Variants in CIMAP3 observed in about 807,000 individuals in gnomAD.
The protein encoded by CIMAP3 is ciliary microtubule associated protein 3, also known as ciliary microtubule-associated protein 3.
the CIMAP3 span, among the ~76,000 whole-genome samples, chr1:111,337,054 C>A: frequency 1.4e-4 from 21 of 152,240 alleles, no homozygotes; most frequent in South Asian, 2.9e-3. Flanking sequence ...AACATTCTTA[C>A]AGAAAAGAAT....
chr1:111,336,302 C>T, the CIMAP3 span, among the ~76,000 whole-genome samples: 1 of 152,200 alleles, frequency 6.6e-6, no homozygotes, highest in Admixed American at 6.5e-5. Context: ...ACCTCTCCTC[C>T]TCCAAAGGAA....
the CIMAP3 span, chr1:111,324,738 C>A: frequency 1.0e-6 from 1 of 985,380 alleles, no homozygotes; most frequent in Non-Finnish European, 1.2e-6. Flanking sequence ...ATGAGAGATC[C>A]AGGCTTACTG....
the CIMAP3 span, among the ~76,000 whole-genome samples, chr1:111,341,895 GA>G: frequency 2.1e-4 from 32 of 150,628 alleles, no homozygotes; most frequent in Non-Finnish European, 4.0e-4. Flanking sequence ...ATGTTTTAAT[GA>G]AAAAAAAAGA....
At chr1:111,346,594 G>A in the CIMAP3 span, 27 of 1,611,584 alleles carry the variant, frequency 1.7e-5, no homozygotes, top group South Asian at 4.4e-5. Flanking sequence ...GGGAATCACG[G>A]GACTAGCCTT....
chr1:111,351,143 G>C, the CIMAP3 span: 1 of 877,060 alleles, frequency 1.1e-6, no homozygotes, highest in South Asian at 1.6e-5. Flanking sequence ...CTATGGAGTT[G>C]GGATTCACCT....
chr1:111,347,651 GT>G, the CIMAP3 span: 2 of 803,014 alleles, frequency 2.5e-6, no homozygotes, highest in Non-Finnish European at 3.5e-6. Context: ...GTTTTTGTTT[GT>G]TTTTTAATAT....
chr1:111,327,828 T>A, the CIMAP3 span, among the ~76,000 whole-genome samples: 1 of 77,124 alleles, frequency 1.3e-5, no homozygotes. Flanking sequence ...ATTTTTTGAA[T>A]TTTTTTTTGT....
the CIMAP3 span, among the ~76,000 whole-genome samples, chr1:111,344,271 G>A: frequency 2.6e-5 from 4 of 152,264 alleles, no homozygotes; most frequent in African/African-American, 9.6e-5. Flanking sequence ...TTGACAGCTG[G>A]TCTATTTCTT....
chr1:111,327,892 C>T, the CIMAP3 span, among the ~76,000 whole-genome samples: 2 of 152,024 alleles, frequency 1.3e-5, no homozygotes, highest in East Asian at 1.9e-4. Context: ...CTTCTGCAAG[C>T]TTTGGGGTTG....
At chr1:111,333,591 C>T in the CIMAP3 span, among the ~76,000 whole-genome samples, 21,023 of 152,000 alleles carry the variant, frequency 0.14, 1,538 homozygotes, top group African/African-American at 0.16. Context: ...TGGTGGGAAT[C>T]TTCTGCTTAC....
chr1:111,329,516 C>CATATATATATATATATATAT, the CIMAP3 span, among the ~76,000 whole-genome samples: 2 of 106,280 alleles, frequency 1.9e-5, no homozygotes, highest in Admixed American at 2.6e-4. Context: ...CACATAAACC[C>CATATATATATATATATATAT]ATATATATAT....
chr1:111,350,300 G>A, the CIMAP3 span: 4 of 1,179,572 alleles, frequency 3.4e-6, no homozygotes, highest in Non-Finnish European at 4.9e-6. Context: ...TCTTAATTAG[G>A]GGTCTGTGAA....
chr1:111,338,271 A>G, the CIMAP3 span, among the ~76,000 whole-genome samples: 1 of 152,092 alleles, frequency 6.6e-6, no homozygotes, highest in African/African-American at 2.4e-5. Flanking sequence ...ACACCCTAAC[A>G]TCACAATTAA....
the CIMAP3 span, among the ~76,000 whole-genome samples, chr1:111,333,211 A>G: frequency 6.6e-6 from 1 of 152,162 alleles, no homozygotes; most frequent in African/African-American, 2.4e-5. Context: ...TGGGGGTGAA[A>G]GCAGTGGGAA....
At chr1:111,328,172 T>C in the CIMAP3 span, among the ~76,000 whole-genome samples, 1 of 152,234 alleles carries the variant, frequency 6.6e-6, no homozygotes, top group Non-Finnish European at 1.5e-5. Context: ...GCGATTTTCA[T>C]AGTCTTGACT....
the CIMAP3 span, chr1:111,346,286 C>T: frequency 5.0e-6 from 1 of 200,158 alleles, no homozygotes; most frequent in Non-Finnish European, 1.0e-5. Context: ...TTTCTACTTT[C>T]ACCTTACTTG....
At chr1:111,350,847 C>T in the CIMAP3 span, among the ~76,000 whole-genome samples, 1 of 152,178 alleles carries the variant, frequency 6.6e-6, no homozygotes. Flanking sequence ...AGTAATTGTT[C>T]AATCTGTTAG....
the CIMAP3 span, among the ~76,000 whole-genome samples, chr1:111,333,317 G>A: frequency 6.7e-6 from 1 of 149,812 alleles, no homozygotes; most frequent in Non-Finnish European, 1.5e-5. Flanking sequence ...GTGGAAGCTT[G>A]TGGAATAAAG....
the CIMAP3 span, among the ~76,000 whole-genome samples, chr1:111,337,208 G>A: frequency 1.3e-5 from 2 of 152,064 alleles, no homozygotes; most frequent in African/African-American, 4.8e-5. Flanking sequence ...CACTAAACAT[G>A]GAAAGGAACA....
Sources: gnomAD v4.1 joint callset for allele counts (sites outside exome capture counted in the v4.1 genomes callset) on GRCh38, gnomAD v4.1.1 for gene constraint, MANE v1.5 for transcripts, NCBI Gene and HGNC (gene_info 2026-07-23, HGNC 2026-07-21) for gene names.